GALNTL6: variants seen among roughly 807,000 people sequenced by gnomAD.
GALNTL6 encodes the protein polypeptide N-acetylgalactosaminyltransferase like 6.
Under a neutral mutation model 73.7 loss-of-function variants are expected in GALNTL6, and 46 were observed. The observed-to-expected ratio is 0.62, with a 90% CI of 0.49 to 0.80. The LOEUF (loss-of-function observed/expected upper bound fraction) is 0.80, where lower values mean the gene tolerates loss of function less well. GALNTL6 is among the 30% of genes least tolerant of loss of function. The pLI, the probability that GALNTL6 is intolerant of heterozygous loss-of-function variation, is 0.00. For missense variants in GALNTL6, 604 were observed against 755.0 expected (o/e 0.80, Z 2.34); for synonymous variants, 259 against 263.7 (o/e 0.98, Z 0.17).
intron 2 of GALNTL6, 77 bp downstream of exon 2, chr4:171,814,795 T>A: frequency 6.8e-7 from 1 of 1,474,244 alleles, no homozygotes. Context: ...AGAAAGCCGG[T>A]GTGGGATCGC....
chr4:172,812,735 C>T (rs1741383267), intron 6 of GALNTL6, among the ~76,000 whole-genome samples: 1 of 152,100 alleles, frequency 6.6e-6, no homozygotes, highest in Admixed American at 6.6e-5. Context: ...GCTGCATAAC[C>T]CTTAACAAGT....
chr4:171,822,722 G>A (rs1321209981), intron 2 of GALNTL6, among the ~76,000 whole-genome samples: 1 of 152,144 alleles, frequency 6.6e-6, no homozygotes, highest in Non-Finnish European at 1.5e-5. Flanking sequence ...TACTGGGATA[G>A]ACCCAGAGGG....
intron 2 of GALNTL6, among the ~76,000 whole-genome samples, chr4:172,021,532 G>C (rs1348165530): frequency 6.6e-6 from 1 of 151,946 alleles, no homozygotes; most frequent in Non-Finnish European, 1.5e-5. Flanking sequence ...GCAATCTACA[G>C]ATTCAAAGCA....
intron 5 of GALNTL6, among the ~76,000 whole-genome samples, chr4:172,664,683 A>G (rs1037503487): frequency 3.3e-5 from 5 of 152,196 alleles, no homozygotes; most frequent in Admixed American, 2.6e-4. Context: ...TCTCAGCTTC[A>G]TCTTTTAAAA....
intron 5 of GALNTL6, among the ~76,000 whole-genome samples, chr4:172,640,126 T>C (rs1042972997): frequency 1.3e-5 from 2 of 152,148 alleles, no homozygotes; most frequent in Non-Finnish European, 2.9e-5. Context: ...GCCTCTATTG[T>C]TCACTGAAAC....
rs1047417587 is a variant in GALNTL6 at position 172,340,641 on chromosome 4, G to A, written c.387-7882G>A. 3.7e-4 allele frequency among the ~76,000 whole-genome samples: 56 copies of A among 152,142 alleles called. 1 individual carries two copies. Among genetic ancestry groups the A allele is most frequent in the Admixed American group, 3.5e-3 (53 of 15,276 alleles). Reference sequence around the variant, plus strand: ...TTGTTACATAATGAATTTAAGTTATGTGAAAACAGTTTGATACTATAAGAT... The same window carrying A: ...TTGTTACATAATGAATTTAAGTTATATGAAAACAGTTTGATACTATAAGAT... On this transcript the variant is annotated intron_variant, in intron 4 of 12. Coordinates refer to ENST00000506823, the MANE Select transcript of GALNTL6 (RefSeq NM_001034845.3).
At chr4:172,977,094 C>T (rs17059068) in intron 10 of GALNTL6, among the ~76,000 whole-genome samples, 5,892 of 152,298 alleles carry the variant, frequency 0.039, 250 homozygotes, top group African/African-American at 0.1. Flanking sequence ...AGCACATTCT[C>T]TCCATGTAAG....
intron 2 of GALNTL6, among the ~76,000 whole-genome samples, chr4:171,927,692 A>C (rs1738031376): frequency 6.6e-6 from 1 of 151,974 alleles, no homozygotes; most frequent in Non-Finnish European, 1.5e-5. Context: ...GGAATGTGAA[A>C]ATCACATTCC....
At chr4:172,849,879 A>G (rs1336266547) in intron 7 of GALNTL6, among the ~76,000 whole-genome samples, 1 of 152,198 alleles carries the variant, frequency 6.6e-6, no homozygotes, top group African/African-American at 2.4e-5. Context: ...GGCTGAGGCA[A>G]CGGAGAAGGA....
rs946601838 is a variant in GALNTL6 at position 172,210,746 on chromosome 4, C to T, written c.139-18910C>T. Among the ~76,000 whole-genome samples the T allele has an allele frequency of 2.0e-5, 3 of 152,082 alleles. No homozygotes were observed. The East Asian group carries it at 5.8e-4, about 29-fold the overall frequency. On this transcript the variant is annotated intron_variant, in intron 2 of 12. Transcript: ENST00000506823. ...CATTGGAGGGCAGCCATGATGCTAA[C>T]ACTTAAGGAATAAAGAGTTACGTTC...
intron 5 of GALNTL6, among the ~76,000 whole-genome samples, chr4:172,513,608 T>C (rs1189346625): frequency 2.0e-5 from 3 of 152,162 alleles, no homozygotes; most frequent in Non-Finnish European, 2.9e-5. Flanking sequence ...TCCCACAGGG[T>C]ACTCCCTTGA....
intron 5 of GALNTL6, among the ~76,000 whole-genome samples, chr4:172,602,455 TCTTAC>T (rs1400154035): frequency 2.0e-5 from 3 of 152,176 alleles, no homozygotes; most frequent in African/African-American, 4.8e-5. Context: ...GTTATAAATG[TCTTAC>T]CTTATAGGTA....
intron 2 of GALNTL6, among the ~76,000 whole-genome samples, chr4:172,159,483 G>A (rs1219985811): frequency 1.3e-5 from 2 of 152,192 alleles, no homozygotes; most frequent in Admixed American, 1.3e-4. Flanking sequence ...GATCAAGGTA[G>A]TCTTCTCTGA....
intron 2 of GALNTL6, among the ~76,000 whole-genome samples, chr4:171,871,441 T>A (rs1206318359): frequency 6.6e-6 from 1 of 152,176 alleles, no homozygotes; most frequent in African/African-American, 2.4e-5. Flanking sequence ...GGGACTGTTA[T>A]AATAGAAACA....
intron 10 of GALNTL6, among the ~76,000 whole-genome samples, chr4:172,975,630 G>A (rs553571217): frequency 3.3e-5 from 5 of 152,264 alleles, no homozygotes; most frequent in African/African-American, 1.2e-4. Context: ...GTCCCCTGCC[G>A]TCATCCACAG....
chr4:172,111,995 G>A (rs1359323853), intron 2 of GALNTL6, among the ~76,000 whole-genome samples: 2 of 151,950 alleles, frequency 1.3e-5, no homozygotes, highest in Non-Finnish European at 2.9e-5. Context: ...AGGCTTGCAC[G>A]ATGACATGCA....
At chr4:172,299,237 A>G (rs1370618869) in intron 3 of GALNTL6, among the ~76,000 whole-genome samples, 3 of 151,734 alleles carry the variant, frequency 2.0e-5, no homozygotes, top group Admixed American at 2.0e-4. Flanking sequence ...TTTTTATTGC[A>G]TCTATTTGAT....
intron 2 of GALNTL6, among the ~76,000 whole-genome samples, chr4:171,938,721 A>G (rs1738429619): frequency 6.6e-6 from 1 of 152,200 alleles, no homozygotes; most frequent in African/African-American, 2.4e-5. Context: ...GAATAGCACA[A>G]ATATTATTAA....
chr4:172,966,213 A>G (rs996702147), intron 10 of GALNTL6, among the ~76,000 whole-genome samples: 3 of 152,168 alleles, frequency 2.0e-5, no homozygotes. Flanking sequence ...CAATGGGGTG[A>G]CATAGTGACC....
Sources: gnomAD v4.1 joint callset for allele counts (sites outside exome capture counted in the v4.1 genomes callset) on GRCh38, gnomAD v4.1.1 for gene constraint, MANE v1.5 for transcripts, NCBI Gene and HGNC (gene_info 2026-07-23, HGNC 2026-07-21) for gene names.